CYP4F2: variants seen among roughly 807,000 people sequenced by gnomAD.
CYP4F2 encodes the protein cytochrome P450 4F2.
In CYP4F2, 58 loss-of-function variants were observed where a neutral mutation model predicts 58.9. The ratio of observed to expected loss-of-function variants is 0.98; its 90% CI spans 0.80 to 1.23. The LOEUF (loss-of-function observed/expected upper bound fraction) is 1.23, where lower values mean the gene tolerates loss of function less well. Ranked by LOEUF, CYP4F2 falls within the 50% of genes most tolerant of loss-of-function variation. The pLI is 0.00. For synonymous variants in CYP4F2, 287 were observed against 261.1 expected, an observed-to-expected ratio of 1.10 and a Z score of -0.95; for missense variants, 616 against 685.6, an observed-to-expected ratio of 0.90 and a Z score of 1.13.
chr19:15,881,471 G>C (rs963940097), intron 9 of CYP4F2, among the ~76,000 whole-genome samples: 6 of 152,156 alleles, frequency 3.9e-5, no homozygotes, highest in African/African-American at 1.4e-4. Context: ...TAGAGAGATA[G>C]AGAATAGACA....
chr19:15,879,524 G>A, intron 11 of CYP4F2, 80 bp downstream of exon 11: 1 of 1,607,744 alleles, frequency 6.2e-7, no homozygotes, highest in Non-Finnish European at 8.5e-7. Context: ...GGGAGGTGAT[G>A]TTGGATACTC....
At chr19:15,885,699 A>G (rs1019209950) in intron 9 of CYP4F2, among the ~76,000 whole-genome samples, 4 of 152,072 alleles carry the variant, frequency 2.6e-5, no homozygotes, top group Non-Finnish European at 2.9e-5. Context: ...GTCCTCACAT[A>G]TCATCACCAA....
In CYP4F2 at chr19:15,878,819, G is replaced by A. The variant is rs765903428; in HGVS notation, c.1515C>T (p.Val505=). ...GCCAAAGTCCGCCCTCTGCGCGCAGGACCAGCTCCGGCTTCCTGCGGGGCT... is the reference window on the plus strand; with the variant it reads ...GCCAAAGTCCGCCCTCTGCGCGCAGAACCAGCTCCGGCTTCCTGCGGGGCT... The part of the protein sequence containing the change: ...HTEPRRKPEL[V]LRAEGGLWLR... Residue 505 remains valine (V), a synonymous_variant, in exon 13 of 13, where the codon GTC becomes GTT. Coordinates refer to ENST00000221700, the MANE Select transcript of CYP4F2 (RefSeq NM_001082.5). The A allele has an allele frequency of 1.9e-6, 3 of 1,613,834 alleles. No homozygotes were observed. The highest frequency in any genetic ancestry group is 1.3e-5 in the African/African-American group (1 of 74,940).
chr19:15,880,361 G>T (rs910718929), intron 9 of CYP4F2, among the ~76,000 whole-genome samples: 1 of 152,180 alleles, frequency 6.6e-6, no homozygotes, highest in Admixed American at 6.5e-5. Context: ...GGGCGTGGTG[G>T]CTCATGCCTG....
chr19:15,879,398 T>A lies in CYP4F2; in HGVS notation c.1345A>T (p.Asn449Tyr), dbSNP rs1455942040. The part of the protein sequence containing the change: ...VYDPFRFDPE[N>Y]IKERSPLAFI... ...GCCAGAGGTGACCTCTCCTTGATGT[T>A]CTCTGGGTCAAAGCGAAAGGGGTCG... is the stretch of plus-strand genomic sequence containing the variant. The change falls in exon 12 of 13, where the codon AAC (asparagine) becomes TAC (tyrosine). Residue 449 changes from asparagine to tyrosine, a missense_variant. Coordinates refer to ENST00000221700, the MANE Select transcript of CYP4F2 (RefSeq NM_001082.5). The A allele has an allele frequency of 7.4e-6, 12 of 1,613,934 alleles. No individual in the cohort carries two copies. The highest frequency in any genetic ancestry group is 2.7e-5 in the African/African-American group (2 of 74,886).
In CYP4F2 at chr19:15,886,329, C is replaced by T. The variant is rs201042526; in HGVS notation, c.919-21G>A. On this transcript the variant is annotated intron_variant, in intron 7 of 12. Coordinates refer to ENST00000221700, the MANE Select transcript of CYP4F2 (RefSeq NM_001082.5). ...TCATCCTGGAGAGAAGGCAGTAACCCCCCCCAACCCCCACCCCCATAAAAA... is the reference window on the plus strand; with the variant it reads ...TCATCCTGGAGAGAAGGCAGTAACCTCCCCCAACCCCCACCCCCATAAAAA... The T allele has an allele frequency of 1.0e-3, 1,652 of 1,605,654 alleles. 4 individuals are homozygous for T. The highest frequency in any genetic ancestry group is 1.2e-3 in the Non-Finnish European group (1,405 of 1,175,394).
chr19:15,895,534 G>T lies in CYP4F2; in HGVS notation c.315C>A (p.Asp105Glu). ...ISPLLSLCHP[D>E]IIRSVINASA... ...AGGCGTTGATGACAGACCGGATGAT[G>T]TCGGGGTGGCACAAACTGAGGAGGG... Residue 105 changes from aspartate to glutamate, a missense_variant, in exon 3 of 13, where the codon GAC becomes GAA. Transcript: ENST00000221700. 6.5e-7 allele frequency: 1 copy of T among 1,543,308 alleles called. No homozygotes were observed. Among genetic ancestry groups the T allele is most frequent in the Non-Finnish European group, 8.7e-7 (1 of 1,154,824 alleles).
At chr19:15,886,751 A>G (rs1201040533) in intron 7 of CYP4F2, among the ~76,000 whole-genome samples, 1 of 152,178 alleles carries the variant, frequency 6.6e-6, no homozygotes, top group Non-Finnish European at 1.5e-5. Context: ...ATCTCACTGA[A>G]GAGGATTTGT....
chr19:15,892,641 G>A (rs563808052), intron 3 of CYP4F2, 59 bp from the exon 4 acceptor site: 6 of 1,586,738 alleles, frequency 3.8e-6, no homozygotes, highest in African/African-American at 1.3e-5. Context: ...GACTTTGGGG[G>A]TGGGTGGAGG....
At chr19:15,881,255 T>C (rs973406757) in intron 9 of CYP4F2, among the ~76,000 whole-genome samples, 2 of 152,134 alleles carry the variant, frequency 1.3e-5, no homozygotes, top group African/African-American at 4.8e-5. Flanking sequence ...GCATTCAACA[T>C]AGGAATGAGC....
At chr19:15,892,993 C>CA (rs1373976639) in intron 3 of CYP4F2, among the ~76,000 whole-genome samples, 6 of 152,188 alleles carry the variant, frequency 3.9e-5, no homozygotes, top group African/African-American at 1.4e-4. Context: ...GGACATGAGA[C>CA]ATGACCCTGA....
Position 15,897,601 on chromosome 19 carries a change from A to T in CYP4F2, c.11T>A (p.Leu4Gln). The T allele has an allele frequency of 6.2e-7, 1 of 1,613,630 alleles. No homozygotes were observed. The highest frequency in any genetic ancestry group is 8.5e-7 in the Non-Finnish European group (1 of 1,179,800). MSQLSLSWLGLWPV... is the reference protein window; with the variant it reads MSQQSLSWLGLWPV... ...CCAGAGGCCCAGCCAGGACAGGCTC[A>T]GCTGGGACATCCTGCAGGGCAGACG... The change falls in exon 2 of 13, where the codon CTG (leucine) becomes CAG (glutamine). Residue 4 changes from leucine to glutamine, a missense_variant. By Grantham distance (113) the Leu-to-Gln change is moderately radical. Coordinates refer to ENST00000221700, the MANE Select transcript of CYP4F2 (RefSeq NM_001082.5).
chr19:15,890,211 C>T (rs1176952868), intron 6 of CYP4F2, 101 bp downstream of exon 6: 2 of 1,589,692 alleles, frequency 1.3e-6, no homozygotes, highest in African/African-American at 1.4e-5. Context: ...AACAAAACTC[C>T]TCCAGGAAGG....
intron 9 of CYP4F2, among the ~76,000 whole-genome samples, chr19:15,882,878 A>G (rs973405587): frequency 1.3e-5 from 2 of 152,266 alleles, no homozygotes; most frequent in African/African-American, 4.8e-5. Context: ...GTGAATTCAT[A>G]TAAATGTGGG....
At chr19:15,895,739 C>G in intron 2 of CYP4F2, 89 bp from the exon 3 acceptor site, 2 of 1,487,470 alleles carry the variant, frequency 1.3e-6, no homozygotes, top group Non-Finnish European at 1.8e-6. Flanking sequence ...GGTAGTTGGT[C>G]AAACATTATT....
In CYP4F2 at chr19:15,889,570, G is replaced by C. The variant is rs779525920; in HGVS notation, c.771C>G (p.Arg257=). 1.2e-6 allele frequency: 2 copies of C among 1,614,212 alleles called. No homozygotes were observed. Among genetic ancestry groups the C allele is most frequent in the South Asian group, 1.1e-5 (1 of 91,086 alleles). ...YYLTPDGQRF[R]RACRLVHDFT... ...AGTCGTGCACCAGGCGGCAGGCCCTGCGGAAACGCTGCCCATCAGGGGTGA... is the reference window on the plus strand; with the variant it reads ...AGTCGTGCACCAGGCGGCAGGCCCTCCGGAAACGCTGCCCATCAGGGGTGA... Residue 257 remains arginine (R), a synonymous_variant, in exon 7 of 13, where the codon CGC becomes CGG. Transcript: ENST00000221700.
chr19:15,879,783 G>T lies in CYP4F2; in HGVS notation c.1230C>A (p.Asp410Glu). ...GAGCACCTTTGGGGATGACCCGGCC[G>T]TCTGGGAGCACAATGTCCTGGGTGA... is the stretch of plus-strand genomic sequence containing the variant. ...RHVTQDIVLP[D>E]GRVIPKGIIC... Residue 410 changes from aspartate to glutamate, a missense_variant, in exon 10 of 13, where the codon GAC becomes GAA. Transcript: ENST00000221700. 2 of 1,614,116 alleles carry T rather than the reference G, an allele frequency of 1.2e-6. No individual in the cohort carries two copies. The highest frequency in any genetic ancestry group is 2.2e-5 in the South Asian group (2 of 91,074).
rs754740791 is a variant in CYP4F2 at position 15,879,796 on chromosome 19, A to C, written c.1217T>G (p.Ile406Ser). Residue 406 changes from isoleucine (I) to serine (S), a missense_variant, in exon 10 of 13, where the codon ATT (isoleucine) becomes AGT (serine). Transcript: ENST00000221700. Reference sequence around the variant, plus strand: ...GATGACCCGGCCGTCTGGGAGCACAATGTCCTGGGTGACATGGCGGGAGAT... The same window carrying C: ...GATGACCCGGCCGTCTGGGAGCACACTGTCCTGGGTGACATGGCGGGAGAT... ...PVISRHVTQD[I>S]VLPDGRVIPK... is the part of the protein sequence containing the mutation. 12 of 1,614,092 alleles carry C rather than the reference A, an allele frequency of 7.4e-6. No individual in the cohort carries two copies. Among genetic ancestry groups the C allele is most frequent in the Middle Eastern group, 3.3e-4 (2 of 6,060 alleles).
Position 15,879,390 on chromosome 19 carries a change from C to T in CYP4F2, c.1353G>A (p.Lys451=), listed in dbSNP as rs1265773341. The T allele has an allele frequency of 2.5e-6, 4 of 1,614,124 alleles. No individual in the cohort carries two copies. The South Asian group carries it at 4.4e-5, about 18-fold the overall frequency. ...DPFRFDPENI[K]ERSPLAFIPF... Reference sequence around the variant, plus strand: ...GAATAAAAGCCAGAGGTGACCTCTCCTTGATGTTCTCTGGGTCAAAGCGAA... The same window carrying T: ...GAATAAAAGCCAGAGGTGACCTCTCTTTGATGTTCTCTGGGTCAAAGCGAA... Residue 451 remains lysine (K), a synonymous_variant, in exon 12 of 13, where the codon AAG becomes AAA. Transcript: ENST00000221700.
Sources: allele counts gnomAD v4.1 joint callset (sites outside exome capture counted in the v4.1 genomes callset), GRCh38; gene constraint gnomAD v4.1.1; transcripts MANE v1.5; gene names NCBI Gene and HGNC (gene_info 2026-07-23, HGNC 2026-07-21).